The following BAIAP2L1 variants were observed in gnomAD, a reference collection of about 807,000 sequenced individuals.
BAIAP2L1 encodes the protein BAR/IMD domain-containing adapter protein 2-like 1.
In BAIAP2L1, 35 loss-of-function variants were observed where a neutral mutation model predicts 66.3. The observed-to-expected ratio is 0.53, with a 90% CI of 0.40 to 0.70. The LOEUF (loss-of-function observed/expected upper bound fraction) is 0.70, where lower values mean the gene tolerates loss of function less well. Among genes scored for constraint, BAIAP2L1 ranks in the 30% least tolerant of loss-of-function variants. The pLI is 0.00. For missense variants in BAIAP2L1, 622 were observed against 656.9 expected (o/e 0.95, Z 0.58); for synonymous variants, 269 against 248.7 (o/e 1.08, Z -0.77).
intron 3 of BAIAP2L1, among the ~76,000 whole-genome samples, chr7:98,340,975 T>TG (rs33980434): frequency 6.6e-6 from 1 of 150,558 alleles, no homozygotes; most frequent in African/African-American, 2.4e-5. Context: ...TTTTTTTTTT[T>TG]GTCTCTTACA....
chr7:98,384,156 GAA>G (rs76408692), intron 1 of BAIAP2L1, among the ~76,000 whole-genome samples: 71 of 112,374 alleles, frequency 6.3e-4, no homozygotes, highest in Non-Finnish European at 7.7e-4. Flanking sequence ...CTCCGTCTCA[GAA>G]AAAAAAAAAA....
intron 1 of BAIAP2L1, among the ~76,000 whole-genome samples, chr7:98,375,650 G>A (rs909332140): frequency 1.3e-5 from 2 of 150,172 alleles, no homozygotes; most frequent in African/African-American, 4.9e-5. Context: ...TCGGGAGGCC[G>A]AGGCAGGAGA....
In BAIAP2L1 at chr7:98,292,796, G is replaced by A. The variant is rs535091461; in HGVS notation, c.*725C>T. The A allele has an allele frequency of 3.5e-4, 540 of 1,538,720 alleles. 9 individuals are homozygous for A. In the South Asian group the frequency reaches 6.2e-3, roughly 18 times the overall value. On this transcript the variant is annotated 3_prime_UTR_variant, in exon 14 of 14. Transcript: ENST00000005260. ...GAACACAAGGAGCCGTGACTCCGAC[G>A]CCCAGGCCTGTGTCCTGGATGGGCC...
intron 1 of BAIAP2L1, among the ~76,000 whole-genome samples, chr7:98,368,285 G>A (rs1052799645): frequency 2.0e-5 from 3 of 152,082 alleles, no homozygotes; most frequent in Admixed American, 2.0e-4. Context: ...CGGGCGTGGT[G>A]GCGTTTGCCT....
chr7:98,316,442 G>A (rs1257695205), intron 6 of BAIAP2L1, among the ~76,000 whole-genome samples: 1 of 152,176 alleles, frequency 6.6e-6, no homozygotes, highest in East Asian at 1.9e-4. Context: ...AAAAGCCCAT[G>A]TTTTGGCAGG....
chr7:98,375,096 AAAAAAC>A (rs1376784553), intron 1 of BAIAP2L1, among the ~76,000 whole-genome samples: 5 of 151,924 alleles, frequency 3.3e-5, no homozygotes, highest in Non-Finnish European at 1.5e-5. Flanking sequence ...CAAAAAAAAC[AAAAAAC>A]AAAAACAAAA....
rs547547020 is a variant in BAIAP2L1 at position 98,375,751 on chromosome 7, AAAAAAAAAAAAG to A, written c.52-13331_52-13320del. On this transcript the variant is annotated intron_variant, in intron 1 of 13. Transcript: ENST00000005260. ...AAGCGAAAGTCCATCTCAAAAAAAAAAAAAAAAAAAAGAAAAGAAAAAAAATTACTAACAGTT... is the reference window on the plus strand; with the variant it reads ...AAGCGAAAGTCCATCTCAAAAAAAAAAAAAGAAAAAAAATTACTAACAGTT... 1.8e-4 allele frequency among the ~76,000 whole-genome samples: 27 copies of A among 151,538 alleles called. No homozygotes were observed. The South Asian group carries it at 5.2e-3, about 29-fold the overall frequency.
At chr7:98,356,362 T>C (rs1376601334) in intron 2 of BAIAP2L1, among the ~76,000 whole-genome samples, 1 of 152,168 alleles carries the variant, frequency 6.6e-6, no homozygotes. Context: ...GTTTCAGACA[T>C]AGAAATCAGT....
intron 8 of BAIAP2L1, among the ~76,000 whole-genome samples, chr7:98,311,748 A>G (rs1378916696): frequency 6.6e-6 from 1 of 151,846 alleles, no homozygotes; most frequent in Non-Finnish European, 1.5e-5. Flanking sequence ...TCTACTAATA[A>G]TACAAAAATT....
intron 12 of BAIAP2L1, among the ~76,000 whole-genome samples, chr7:98,296,722 T>G (rs1441763004): frequency 6.6e-6 from 1 of 152,238 alleles, no homozygotes; most frequent in East Asian, 1.9e-4. Context: ...ATCTGCATGT[T>G]TCTCAGGGAC....
intron 3 of BAIAP2L1, 30 bp downstream of exon 3, chr7:98,355,012 G>T (rs762886023): frequency 5.2e-6 from 8 of 1,541,970 alleles, no homozygotes; most frequent in Non-Finnish European, 7.2e-6. Flanking sequence ...TGACAAGTGG[G>T]GTTTATGTAT....
intron 3 of BAIAP2L1, among the ~76,000 whole-genome samples, chr7:98,350,426 G>A (rs12113062): frequency 0.02 from 2,997 of 152,208 alleles, 105 homozygotes; most frequent in African/African-American, 0.069. Context: ...GGGAGGCTGA[G>A]GCGGGCAGAT....
At chr7:98,317,000 C>G (rs759309846) in intron 6 of BAIAP2L1, among the ~76,000 whole-genome samples, 3 of 151,542 alleles carry the variant, frequency 2.0e-5, no homozygotes, top group Admixed American at 6.6e-5. Flanking sequence ...GTAGCTGTGA[C>G]TACAGGTACC....
chr7:98,322,520 G>A (rs1049911451), intron 3 of BAIAP2L1, among the ~76,000 whole-genome samples: 5 of 152,196 alleles, frequency 3.3e-5, no homozygotes, highest in African/African-American at 9.6e-5. Flanking sequence ...GGAGCCACCT[G>A]TAGGGTGCAG....
chr7:98,366,955 G>A (rs1802400664), intron 1 of BAIAP2L1, among the ~76,000 whole-genome samples: 1 of 152,002 alleles, frequency 6.6e-6, no homozygotes, highest in Non-Finnish European at 1.5e-5. Flanking sequence ...GCAGTGGCAT[G>A]ATCACCACAC....
At chr7:98,307,631 T>C in intron 10 of BAIAP2L1, 58 bp downstream of exon 10, 1 of 1,598,864 alleles carries the variant, frequency 6.3e-7, no homozygotes, top group Non-Finnish European at 8.5e-7. Context: ...GCAGCTTGGC[T>C]GCTCTGGAAG....
chr7:98,313,405 C>T (rs1183592050), intron 7 of BAIAP2L1, among the ~76,000 whole-genome samples: 1 of 152,094 alleles, frequency 6.6e-6, no homozygotes, highest in Non-Finnish European at 1.5e-5. Context: ...TGAAAAGGTG[C>T]TAGGCTGCCT....
chr7:98,385,705 C>T, intron 1 of BAIAP2L1: 1 of 1,118,422 alleles, frequency 8.9e-7, no homozygotes, highest in Non-Finnish European at 1.3e-6. Flanking sequence ...GGAGCCCCCA[C>T]ACCCAGCCAG....
chr7:98,342,263 G>A lies in BAIAP2L1; in HGVS notation c.214+12779C>T, dbSNP rs138775545. Reference sequence around the variant, plus strand: ...GATGGGGTTTTGCCATGTTGGCCTAGCTGGTCTCAAACTCCTGGCCTCAGG... The same window carrying A: ...GATGGGGTTTTGCCATGTTGGCCTAACTGGTCTCAAACTCCTGGCCTCAGG... On this transcript the variant is annotated intron_variant, in intron 3 of 13. Transcript: ENST00000005260. Among the ~76,000 whole-genome samples the A allele has an allele frequency of 1.5e-4, 23 of 152,040 alleles. No individual in the cohort carries two copies. The East Asian group carries it at 4.1e-3, about 27-fold the overall frequency.
Sources: allele counts gnomAD v4.1 joint callset (sites outside exome capture counted in the v4.1 genomes callset), GRCh38; gene constraint gnomAD v4.1.1; transcripts MANE v1.5; gene names NCBI Gene and HGNC (gene_info 2026-07-23, HGNC 2026-07-21).